Variants in ROBO1 observed in about 807,000 individuals in gnomAD.
ROBO1 encodes roundabout homolog 1.
A neutral mutation model predicts 195.9 loss-of-function variants in ROBO1; 149 were observed. That is an observed-to-expected ratio of 0.76 (90% CI 0.67 to 0.87). The LOEUF is 0.87. Among genes scored for constraint, ROBO1 ranks in the 40% least tolerant of loss-of-function variants. The probability of loss-of-function intolerance (pLI) is 0.00; values close to 1 mark genes in which losing one functional copy is unlikely to be tolerated. For missense variants in ROBO1, 1,933 were observed against 2,068.3 expected (o/e 0.93, Z 1.27); for synonymous variants, 816 against 733.2 (o/e 1.11, Z -1.82).
chr3:79,346,155 T>C (rs1446518975), intron 2 of ROBO1, among the ~76,000 whole-genome samples: 3 of 152,158 alleles, frequency 2.0e-5, no homozygotes, highest in Admixed American at 2.0e-4. Flanking sequence ...TGCTCTATAT[T>C]GCTCATTTTT....
Position 79,260,198 on chromosome 3 carries a change from A to C in ROBO1, c.89-134659T>G, listed in dbSNP as rs868794797. Reference sequence around the variant, plus strand: ...TAATTTAAAACTGTCCTAATTATACAACCAAAAATCCCCTGGGAAATTATG... The same window carrying C: ...TAATTTAAAACTGTCCTAATTATACCACCAAAAATCCCCTGGGAAATTATG... On this transcript the variant is annotated intron_variant, in intron 2 of 30. Coordinates refer to ENST00000464233, the MANE Select transcript of ROBO1 (RefSeq NM_002941.4). 5.9e-5 allele frequency among the ~76,000 whole-genome samples: 9 copies of C among 152,016 alleles called. No individual in the cohort carries two copies. In the South Asian group the frequency reaches 1.9e-3, roughly 32 times the overall value.
intron 2 of ROBO1, among the ~76,000 whole-genome samples, chr3:79,268,190 T>G (rs1324460976): frequency 6.6e-6 from 1 of 151,616 alleles, no homozygotes; most frequent in Non-Finnish European, 1.5e-5. Context: ...TCATTGGAAG[T>G]AAGCCTTAAA....
chr3:79,596,583 T>C (rs971545567), intron 1 of ROBO1, among the ~76,000 whole-genome samples: 5 of 152,096 alleles, frequency 3.3e-5, no homozygotes, highest in Admixed American at 2.0e-4. Context: ...TATTAATCTA[T>C]TAATGTATGA....
At chr3:79,380,560 C>G (rs1194129725) in intron 2 of ROBO1, among the ~76,000 whole-genome samples, 1 of 152,030 alleles carries the variant, frequency 6.6e-6, no homozygotes, top group Non-Finnish European at 1.5e-5. Flanking sequence ...TTGCATTTTG[C>G]TAACCTTTTC....
intron 1 of ROBO1, among the ~76,000 whole-genome samples, chr3:79,704,439 C>G (rs1947709183): frequency 6.6e-6 from 1 of 151,924 alleles, no homozygotes; most frequent in African/African-American, 2.4e-5. Flanking sequence ...AATCATACAG[C>G]TGGAAGGCTT....
chr3:79,570,573 A>G (rs574282890), intron 2 of ROBO1, among the ~76,000 whole-genome samples: 56 of 152,276 alleles, frequency 3.7e-4, no homozygotes, highest in Non-Finnish European at 7.1e-4. Context: ...AGTTAATTAA[A>G]ATATAAAAAT....
chr3:78,815,004 T>C (rs555001479), intron 4 of ROBO1, among the ~76,000 whole-genome samples: 1 of 152,108 alleles, frequency 6.6e-6, no homozygotes. Context: ...CTATTGTAAT[T>C]GTTTTGGGAT....
intron 3 of ROBO1, among the ~76,000 whole-genome samples, chr3:78,997,352 A>T (rs1457237572): frequency 6.6e-6 from 1 of 152,168 alleles, no homozygotes; most frequent in Non-Finnish European, 1.5e-5. Context: ...ATGAGAGACT[A>T]GGAAAAACGT....
intron 4 of ROBO1, among the ~76,000 whole-genome samples, chr3:78,817,548 A>C (rs1185941436): frequency 6.6e-6 from 1 of 152,198 alleles, no homozygotes; most frequent in Non-Finnish European, 1.5e-5. Context: ...ATGAGGTAGA[A>C]AAAACACAAA....
intron 4 of ROBO1, among the ~76,000 whole-genome samples, chr3:78,779,663 T>C (rs1472437249): frequency 6.6e-6 from 1 of 151,996 alleles, no homozygotes; most frequent in Non-Finnish European, 1.5e-5. Flanking sequence ...TTGGTGGGAG[T>C]GTCAATTAGT....
intron 1 of ROBO1, among the ~76,000 whole-genome samples, chr3:79,704,747 T>C (rs1184494503): frequency 6.6e-6 from 1 of 152,086 alleles, no homozygotes; most frequent in African/African-American, 2.4e-5. Flanking sequence ...TATTTACTTT[T>C]GTAAGATATC....
chr3:78,943,968 A>G (rs1451336949), intron 3 of ROBO1, among the ~76,000 whole-genome samples: 1 of 152,254 alleles, frequency 6.6e-6, no homozygotes, highest in East Asian at 1.9e-4. Flanking sequence ...GGTAATCATC[A>G]TCTTTATTAA....
intron 2 of ROBO1, among the ~76,000 whole-genome samples, chr3:79,225,470 A>T (rs2605166): frequency 6.6e-6 from 1 of 152,202 alleles, no homozygotes; most frequent in South Asian, 2.1e-4. Context: ...TGTGTTTAGA[A>T]CCAGTATTCC....
chr3:79,531,032 T>G (rs1002758161), intron 2 of ROBO1, among the ~76,000 whole-genome samples: 1 of 152,106 alleles, frequency 6.6e-6, no homozygotes, highest in African/African-American at 2.4e-5. Context: ...CACACTATTT[T>G]TCTCATAAGT....
chr3:79,169,493 G>A (rs1158782776), intron 2 of ROBO1, among the ~76,000 whole-genome samples: 1 of 152,052 alleles, frequency 6.6e-6, no homozygotes, highest in Non-Finnish European at 1.5e-5. Context: ...AAGGGCAGAA[G>A]AATTTTCAAA....
intron 2 of ROBO1, among the ~76,000 whole-genome samples, chr3:79,138,345 G>T (rs1388031143): frequency 1.3e-5 from 2 of 152,010 alleles, no homozygotes; most frequent in Admixed American, 1.3e-4. Context: ...TTGTTGGAAT[G>T]AAGAGTTTAA....
In ROBO1 at chr3:79,749,720, C is replaced by G. The variant is rs2107469062; in HGVS notation, c.-51+18032G>C. Among the ~76,000 whole-genome samples, 4 of 152,312 alleles carry G rather than the reference C, an allele frequency of 2.6e-5. No homozygotes were observed. In the Middle Eastern group the frequency reaches 0.01, roughly 389 times the overall value. On this transcript the variant is annotated intron_variant, in intron 1 of 30. Transcript: ENST00000464233. ...TAGCAGCTTCCATGTGGTGTTGAAC[C>G]TACAAGTGCACAGAAGTCAATAATT...
intron 2 of ROBO1, among the ~76,000 whole-genome samples, chr3:79,355,547 C>A (rs2035516755): frequency 1.3e-5 from 2 of 152,132 alleles, no homozygotes; most frequent in Non-Finnish European, 2.9e-5. Context: ...GTTGACCAAT[C>A]TGTCACTATT....
At chr3:78,743,187 C>T (rs1167704482) in intron 5 of ROBO1, among the ~76,000 whole-genome samples, 2 of 152,114 alleles carry the variant, frequency 1.3e-5, no homozygotes, top group African/African-American at 4.8e-5. Flanking sequence ...CGTCTATGCT[C>T]TGTGTCTAGT....
Sources: gnomAD v4.1 joint callset for allele counts (sites outside exome capture counted in the v4.1 genomes callset) on GRCh38, gnomAD v4.1.1 for gene constraint, MANE v1.5 for transcripts, NCBI Gene and HGNC (gene_info 2026-07-23, HGNC 2026-07-21) for gene names.